The following SLC7A1 variants were observed in gnomAD, a reference collection of about 807,000 sequenced individuals.
SLC7A1 encodes the protein high affinity cationic amino acid transporter 1.
In SLC7A1, 10 loss-of-function variants were observed where a neutral mutation model predicts 53.9. The observed-to-expected ratio is 0.19, with a 90% confidence interval of 0.11 to 0.31. The LOEUF (loss-of-function observed/expected upper bound fraction) is 0.31, where lower values mean the gene tolerates loss of function less well. Ranked by LOEUF, SLC7A1 falls within the 10% of genes least tolerant of loss-of-function variation. The probability of loss-of-function intolerance (pLI) is 1.00; values close to 1 mark genes in which losing one functional copy is unlikely to be tolerated. For synonymous variants in SLC7A1, 342 were observed against 338.7 expected (o/e 1.01, Z -0.11); for missense variants, 525 against 827.2 (o/e 0.63, Z 4.48).
chr13:29,583,564 T>G (rs1158221869), intron 1 of SLC7A1, among the ~76,000 whole-genome samples: 3 of 152,074 alleles, frequency 2.0e-5, no homozygotes, highest in Non-Finnish European at 4.4e-5. Context: ...ACAGGACCAC[T>G]CATGGGCAAC....
chr13:29,568,166 A>C (rs1871048112), intron 1 of SLC7A1, among the ~76,000 whole-genome samples: 1 of 152,238 alleles, frequency 6.6e-6, no homozygotes, highest in Non-Finnish European at 1.5e-5. Context: ...GGGATAATCA[A>C]GGAATGTGGT....
At chr13:29,537,000 T>C (rs760701069) in intron 2 of SLC7A1, among the ~76,000 whole-genome samples, 21 of 152,254 alleles carry the variant, frequency 1.4e-4, no homozygotes, top group Non-Finnish European at 2.5e-4. Flanking sequence ...TTGTGCCTTG[T>C]GGGATGGCTC....
intron 1 of SLC7A1, among the ~76,000 whole-genome samples, chr13:29,578,692 T>C (rs1412244401): frequency 6.6e-6 from 1 of 152,238 alleles, no homozygotes; most frequent in Non-Finnish European, 1.5e-5. Flanking sequence ...GGGTAGCTCT[T>C]GCCCGGTGCC....
At chr13:29,515,949 T>A (rs1039913755) in intron 12 of SLC7A1, among the ~76,000 whole-genome samples, 189 bp downstream of exon 12, 1 of 152,194 alleles carries the variant, frequency 6.6e-6, no homozygotes, top group Non-Finnish European at 1.5e-5. Flanking sequence ...AATAAATAGT[T>A]TGGACAAGAA....
At chr13:29,583,952 G>T (rs572046725) in intron 1 of SLC7A1, among the ~76,000 whole-genome samples, 1 of 152,142 alleles carries the variant, frequency 6.6e-6, no homozygotes, top group South Asian at 2.1e-4. Flanking sequence ...AAACCTAGCT[G>T]CTGAAACTGT....
intron 2 of SLC7A1, among the ~76,000 whole-genome samples, chr13:29,553,305 C>T (rs61445163): frequency 7.2e-5 from 11 of 152,156 alleles, no homozygotes; most frequent in Non-Finnish European, 1.3e-4. Flanking sequence ...CATGGCAGGA[C>T]GCATCACAGC....
Position 29,542,167 on chromosome 13 carries a change from G to A in SLC7A1, c.-14-5965C>T, listed in dbSNP as rs370549103. 9.2e-5 allele frequency among the ~76,000 whole-genome samples: 14 copies of A among 152,276 alleles called. 1 individual carries two copies. Among genetic ancestry groups the A allele is most frequent in the African/African-American group, 3.4e-4 (14 of 41,566 alleles). On this transcript the variant is annotated intron_variant, in intron 2 of 12. Transcript: ENST00000380752. Reference sequence around the variant, plus strand: ...TGCAAAGCGTCACTAAAGACTACATGAACTCGGCCAGGCGCGGTGGCTCAC... The same window carrying A: ...TGCAAAGCGTCACTAAAGACTACATAAACTCGGCCAGGCGCGGTGGCTCAC...
chr13:29,535,925 A>G lies in SLC7A1; in HGVS notation c.264T>C (p.Gly88=), dbSNP rs1197071448. Residue 88 remains glycine, a synonymous_variant, in exon 3 of 13, where the codon GGT becomes GGC. Coordinates refer to ENST00000380752, the MANE Select transcript of SLC7A1 (RefSeq NM_003045.5). ...CTGAGCCCGTCTTGGGGACCCGAGCACCAAACTCGCCATAGCACAGGCCAG... is the reference window on the plus strand; with the variant it reads ...CTGAGCCCGTCTTGGGGACCCGAGCGCCAAACTCGCCATAGCACAGGCCAG... ...VLAGLCYGEF[G]ARVPKTGSAY... 1 of 1,614,164 alleles carries G rather than the reference A, an allele frequency of 6.2e-7. No individual in the cohort carries two copies. Among genetic ancestry groups the G allele is most frequent in the South Asian group, 1.1e-5 (1 of 91,086 alleles).
At chr13:29,522,142 G>A (rs968089711) in intron 8 of SLC7A1, among the ~76,000 whole-genome samples, 175 bp downstream of exon 8, 3 of 152,218 alleles carry the variant, frequency 2.0e-5, no homozygotes, top group Non-Finnish European at 4.4e-5. Context: ...ACGGGCCTCT[G>A]CCTTTTGTCA....
In SLC7A1 at chr13:29,524,266, G is replaced by A. The variant is rs760311641; in HGVS notation, c.705-13C>T. ...TTCTTTTGTGTCACTAGAAAAAAGA[G>A]CCGCAAACAAATGTCACGTCACTCG... On this transcript the variant is annotated splice_polypyrimidine_tract_variant and intron_variant, in intron 5 of 12. Transcript: ENST00000380752. 2.5e-6 allele frequency: 4 copies of A among 1,614,014 alleles called. No individual in the cohort carries two copies. In the South Asian group the frequency reaches 3.3e-5, roughly 13 times the overall value.
At position 29,577,240 on chromosome 13, in the gene SLC7A1, G is replaced by A. The variant is rs555747658; in HGVS notation, c.-115+18176C>T. ...CCACTTTGTTGGTGAAGACGTCTGG[G>A]GCTTTTCTCCACACCTCAAGCTGGT... On this transcript the variant is annotated intron_variant, in intron 1 of 12. Transcript: ENST00000380752. Among the ~76,000 whole-genome samples, 6 of 152,252 alleles carry A rather than the reference G, an allele frequency of 3.9e-5. No homozygotes were observed. The South Asian group carries it at 1.2e-3, about 32-fold the overall frequency.
At position 29,568,541 on chromosome 13, in the gene SLC7A1, A is replaced by G. The variant is rs962590531; in HGVS notation, c.-114-14681T>C. ...AGAACTCACATACCATTAAAATAAA[A>G]ACGCATGTGCATTCCCTAAAATCAC... On this transcript the variant is annotated intron_variant, in intron 1 of 12. Coordinates refer to ENST00000380752, the MANE Select transcript of SLC7A1 (RefSeq NM_003045.5). Among the ~76,000 whole-genome samples the G allele has an allele frequency of 2.0e-5, 3 of 152,218 alleles. No homozygotes were observed. In the South Asian group the frequency reaches 6.2e-4, roughly 32 times the overall value.
chr13:29,578,840 C>T (rs1871522420), intron 1 of SLC7A1, among the ~76,000 whole-genome samples: 2 of 152,258 alleles, frequency 1.3e-5, no homozygotes, highest in Admixed American at 1.3e-4. Context: ...TTCTCAGACC[C>T]AAGGCCTCTT....
chr13:29,555,307 G>A (rs1293757625), intron 1 of SLC7A1, among the ~76,000 whole-genome samples: 6 of 107,000 alleles, frequency 5.6e-5, no homozygotes, highest in African/African-American at 1.7e-4. Flanking sequence ...GCAGTGAGCC[G>A]AGATCCCGCC....
At chr13:29,565,523 T>C (rs1412976130) in intron 1 of SLC7A1, among the ~76,000 whole-genome samples, 4 of 152,190 alleles carry the variant, frequency 2.6e-5, no homozygotes, top group Non-Finnish European at 5.9e-5. Flanking sequence ...CCAGGACCTC[T>C]TATAGGTCTA....
At chr13:29,592,017 T>A (rs1872131739) in intron 1 of SLC7A1, among the ~76,000 whole-genome samples, 1 of 152,172 alleles carries the variant, frequency 6.6e-6, no homozygotes, top group African/African-American at 2.4e-5. Context: ...AATATACAGA[T>A]GGAGCCAGTA....
At chr13:29,554,414 C>T (rs1870341494) in intron 1 of SLC7A1, among the ~76,000 whole-genome samples, 1 of 152,144 alleles carries the variant, frequency 6.6e-6, no homozygotes. Context: ...CCCGTAACAC[C>T]AAGAGTCTCA....
chr13:29,515,777 C>T (rs150100768), intron 12 of SLC7A1, among the ~76,000 whole-genome samples: 1 of 152,350 alleles, frequency 6.6e-6, no homozygotes, highest in East Asian at 1.9e-4. Flanking sequence ...CCATGACATC[C>T]ACCCTGCCTG....
rs1883435367 is a variant in SLC7A1, at chr13:29,512,910, C to G, written c.*1570G>C. Reference sequence around the variant, plus strand: ...TGCCCTCAATTTATCAGGCTTCTTTCTACCAGATTTGTGTCAAAGGCCAGA... The same window carrying G: ...TGCCCTCAATTTATCAGGCTTCTTTGTACCAGATTTGTGTCAAAGGCCAGA... On this transcript the variant is annotated 3_prime_UTR_variant, in exon 13 of 13. Coordinates refer to ENST00000380752, the MANE Select transcript of SLC7A1 (RefSeq NM_003045.5). 7.4e-6 allele frequency: 1 copy of G among 135,018 alleles called. No homozygotes were observed. The highest frequency in any genetic ancestry group is 2.6e-5 in the African/African-American group (1 of 39,148). 8.4% of individuals were successfully genotyped at this position (135,018 alleles called of 1,614,324 possible).
Sources: gnomAD v4.1 joint callset for allele counts (sites outside exome capture counted in the v4.1 genomes callset) on GRCh38, gnomAD v4.1.1 for gene constraint, MANE v1.5 for transcripts, NCBI Gene and HGNC (gene_info 2026-07-23, HGNC 2026-07-21) for gene names.